The following CDH12 variants were observed in gnomAD, a reference collection of about 807,000 sequenced individuals.
The protein encoded by CDH12 is cadherin 12.
Under a neutral mutation model 74.1 loss-of-function variants are expected in CDH12, and 41 were observed. The observed-to-expected ratio is 0.55, with a 90% CI of 0.43 to 0.72. The LOEUF (loss-of-function observed/expected upper bound fraction) is 0.72, where lower values mean the gene tolerates loss of function less well. Among genes scored for constraint, CDH12 ranks in the 30% least tolerant of loss-of-function variants. The pLI, the probability that CDH12 is intolerant of heterozygous loss-of-function variation, is 0.00. For synonymous variants in CDH12, 399 were observed against 355.0 expected (o/e 1.12, Z -1.39); for missense variants, 945 against 977.2 (o/e 0.97, Z 0.44).
At chr5:21,894,171 C>T (rs1417163284) in intron 6 of CDH12, among the ~76,000 whole-genome samples, 1 of 151,946 alleles carries the variant, frequency 6.6e-6, no homozygotes, top group African/African-American at 2.4e-5. Flanking sequence ...CTGAGGTCAG[C>T]AGTTCGAGAC....
At chr5:22,799,334 T>C (rs983600683) in intron 1 of CDH12, among the ~76,000 whole-genome samples, 1 of 152,194 alleles carries the variant, frequency 6.6e-6, no homozygotes, top group African/African-American at 2.4e-5. Flanking sequence ...TTAAAAATCA[T>C]ACAGTAATGA....
rs370310174 is a variant in CDH12 at position 22,000,448 on chromosome 5, C to T, written c.232-25063G>A. Among the ~76,000 whole-genome samples, 8 of 152,138 alleles carry T rather than the reference C, an allele frequency of 5.3e-5. No homozygotes were observed. The East Asian group carries it at 1.2e-3, about 22-fold the overall frequency. On this transcript the variant is annotated intron_variant, in intron 5 of 14. Coordinates refer to ENST00000382254, the MANE Select transcript of CDH12 (RefSeq NM_004061.5). ...CAGATAAAGCTATATGTGTAAGTCT[C>T]AGAAAGAGCAGGAGGACTCAACTTT... is the stretch of plus-strand genomic sequence containing the variant.
At position 21,764,960 on chromosome 5, in the gene CDH12, A is replaced by G; in HGVS notation, c.1515+18T>C. On this transcript the variant is annotated intron_variant, in intron 12 of 14. Transcript: ENST00000382254. ...TGGTGGGTCTTTATACACTCAAGGAACAATATTTATAAGATACCTGTCCTG... is the reference window on the plus strand; with the variant it reads ...TGGTGGGTCTTTATACACTCAAGGAGCAATATTTATAAGATACCTGTCCTG... 1 of 1,613,354 alleles carries G rather than the reference A, an allele frequency of 6.2e-7. No homozygotes were observed. Among genetic ancestry groups the G allele is most frequent in the Non-Finnish European group, 8.5e-7 (1 of 1,179,420 alleles).
intron 3 of CDH12, among the ~76,000 whole-genome samples, chr5:22,337,240 C>T (rs368007485): frequency 6.6e-6 from 1 of 152,222 alleles, no homozygotes; most frequent in South Asian, 2.1e-4. Flanking sequence ...GGCTCATAGG[C>T]AGAAGGGACA....
intron 3 of CDH12, among the ~76,000 whole-genome samples, chr5:22,312,686 T>C (rs1193542732): frequency 6.6e-6 from 1 of 152,206 alleles, no homozygotes; most frequent in Non-Finnish European, 1.5e-5. Flanking sequence ...AGCTTTCTGT[T>C]CCCTACCAAA....
At chr5:21,914,869 G>T (rs1404037738) in intron 6 of CDH12, among the ~76,000 whole-genome samples, 1 of 152,206 alleles carries the variant, frequency 6.6e-6, no homozygotes, top group Admixed American at 6.5e-5. Context: ...CACATGAAAT[G>T]CCAAGTTGGA....
At chr5:22,218,734 C>A (rs1375073680) in intron 3 of CDH12, among the ~76,000 whole-genome samples, 2 of 151,548 alleles carry the variant, frequency 1.3e-5, no homozygotes, top group Non-Finnish European at 3.0e-5. Flanking sequence ...ATAAATTATA[C>A]CTCAATAAAG....
At chr5:22,360,257 C>T (rs959053985) in intron 3 of CDH12, among the ~76,000 whole-genome samples, 18 of 151,952 alleles carry the variant, frequency 1.2e-4, no homozygotes, top group Admixed American at 2.6e-4. Flanking sequence ...ATATCACCAC[C>T]GATCCCACAG....
At chr5:22,210,427 T>C (rs191654844) in intron 4 of CDH12, among the ~76,000 whole-genome samples, 2 of 147,920 alleles carry the variant, frequency 1.4e-5, no homozygotes, top group Non-Finnish European at 1.5e-5. Context: ...ATCAGTATAT[T>C]GCAAATTCAG....
intron 3 of CDH12, among the ~76,000 whole-genome samples, chr5:22,262,497 T>G (rs960685424): frequency 6.6e-6 from 1 of 151,802 alleles, no homozygotes; most frequent in Non-Finnish European, 1.5e-5. Context: ...TGCCACATTT[T>G]CTTAATCCAG....
At chr5:22,566,282 G>A in intron 1 of CDH12, among the ~76,000 whole-genome samples, 1 of 149,112 alleles carries the variant, frequency 6.7e-6, no homozygotes, top group South Asian at 2.1e-4. Context: ...CTGTTGCTGA[G>A]GCTGGAGTGC....
At chr5:22,247,364 C>T (rs2150384994) in intron 3 of CDH12, among the ~76,000 whole-genome samples, 1 of 152,226 alleles carries the variant, frequency 6.6e-6, no homozygotes, top group East Asian at 1.9e-4. Context: ...TGAGCTACCA[C>T]ATTTACATGG....
intron 1 of CDH12, among the ~76,000 whole-genome samples, chr5:22,632,905 AAAG>A (rs923354081): frequency 3.3e-5 from 5 of 152,136 alleles, no homozygotes; most frequent in Non-Finnish European, 7.4e-5. Flanking sequence ...GCCAAAACTA[AAAG>A]AAGAACCTCA....
At chr5:21,991,641 C>G (rs1757760090) in intron 5 of CDH12, among the ~76,000 whole-genome samples, 2 of 150,706 alleles carry the variant, frequency 1.3e-5, no homozygotes, top group Admixed American at 6.6e-5. Context: ...TGCTTATTTT[C>G]AAGGGTGGTT....
chr5:21,763,931 A>C (rs1421455953), intron 12 of CDH12, among the ~76,000 whole-genome samples: 1 of 152,214 alleles, frequency 6.6e-6, no homozygotes, highest in Non-Finnish European at 1.5e-5. Context: ...CCTCAAGGCC[A>C]CCAGAGAGGG....
At chr5:22,024,786 T>G (rs901354321) in intron 5 of CDH12, among the ~76,000 whole-genome samples, 1 of 152,152 alleles carries the variant, frequency 6.6e-6, no homozygotes, top group Non-Finnish European at 1.5e-5. Flanking sequence ...AGTGCTGGAA[T>G]TACAGCTGTG....
At chr5:22,258,958 T>C (rs1021809473) in intron 3 of CDH12, among the ~76,000 whole-genome samples, 3 of 152,180 alleles carry the variant, frequency 2.0e-5, no homozygotes, top group African/African-American at 7.2e-5. Context: ...GTAACATCAT[T>C]TCTATTATTA....
intron 9 of CDH12, among the ~76,000 whole-genome samples, chr5:21,806,771 G>A (rs10072414): frequency 0.25 from 37,980 of 152,032 alleles, 5,449 homozygotes; most frequent in East Asian, 0.41. Context: ...CTAGCATGGC[G>A]GACTCCATCT....
At chr5:21,901,786 C>A (rs1474568697) in intron 6 of CDH12, among the ~76,000 whole-genome samples, 1 of 152,126 alleles carries the variant, frequency 6.6e-6, no homozygotes, top group African/African-American at 2.4e-5. Context: ...GCTTGACAAA[C>A]AACATCATCA....
Sources: gnomAD v4.1 joint callset for allele counts (sites outside exome capture counted in the v4.1 genomes callset) on GRCh38, gnomAD v4.1.1 for gene constraint, MANE v1.5 for transcripts, NCBI Gene and HGNC (gene_info 2026-07-23, HGNC 2026-07-21) for gene names.